Variants in AP3B1 observed in about 807,000 individuals in gnomAD.
AP3B1 encodes adaptor related protein complex 3 subunit beta 1, also known as AP-3 complex subunit beta-1.
In AP3B1, 61 loss-of-function variants were observed where a neutral mutation model predicts 132.5. That is an observed-to-expected ratio of 0.46 (90% CI 0.37 to 0.57). AP3B1 has a LOEUF of 0.57. Ranked by LOEUF, AP3B1 falls within the 20% of genes least tolerant of loss-of-function variation. AP3B1 has a pLI of 0.00. For synonymous variants in AP3B1, 388 were observed against 438.3 expected, an observed-to-expected ratio of 0.89 and a Z score of 1.43; for missense variants, 1,120 against 1,289.4, an observed-to-expected ratio of 0.87 and a Z score of 2.01.
At chr5:78,121,638 A>G (rs1752202709) in intron 17 of AP3B1, 1 of 152,242 alleles carries the variant, frequency 6.6e-6, no homozygotes, top group Non-Finnish European at 1.5e-5. Context: ...TCCCAAGACT[A>G]AACCAGGAAG....
chr5:78,023,927 G>C (rs1483530816), intron 24 of AP3B1, among the ~76,000 whole-genome samples: 1 of 152,176 alleles, frequency 6.6e-6, no homozygotes, highest in African/African-American at 2.4e-5. Context: ...CATGCTTAGA[G>C]GCTGAGGGGA....
intron 2 of AP3B1, among the ~76,000 whole-genome samples, chr5:78,242,071 T>C (rs1429746789): frequency 1.3e-5 from 2 of 152,246 alleles, no homozygotes. Flanking sequence ...GACAGTTTAA[T>C]ATGCTTAAAA....
At chr5:78,027,149 T>C (rs1024575289) in intron 24 of AP3B1, among the ~76,000 whole-genome samples, 1 of 152,054 alleles carries the variant, frequency 6.6e-6, no homozygotes, top group Non-Finnish European at 1.5e-5. Context: ...CTGAGTACTG[T>C]GTCTTGCTTA....
chr5:78,196,876 G>A (rs1745095849), intron 7 of AP3B1, among the ~76,000 whole-genome samples: 1 of 152,118 alleles, frequency 6.6e-6, no homozygotes, highest in South Asian at 2.1e-4. Flanking sequence ...GGGAGGGAGG[G>A]ATGAACAAGT....
At chr5:78,201,171 C>T (rs1034990419) in intron 7 of AP3B1, among the ~76,000 whole-genome samples, 2 of 152,138 alleles carry the variant, frequency 1.3e-5, no homozygotes, top group African/African-American at 4.8e-5. Context: ...GTTTAAGCCA[C>T]CCAATCTGTG....
intron 6 of AP3B1, among the ~76,000 whole-genome samples, chr5:78,216,991 A>G (rs1745990565): frequency 1.3e-5 from 2 of 152,130 alleles, no homozygotes; most frequent in Admixed American, 1.3e-4. Flanking sequence ...ACACAAACTA[A>G]GCAGAATATA....
In AP3B1 at chr5:78,178,084, G is replaced by A. The variant is rs144010010; in HGVS notation, c.943-648C>T. ...GTACGTGGCAAAGCTCAAGACACTC[G>A]AAATTCCATGCTCCTCAGCTGCTGC... On this transcript the variant is annotated intron_variant, in intron 8 of 26. Coordinates refer to ENST00000255194, the MANE Select transcript of AP3B1 (RefSeq NM_003664.5). Among the ~76,000 whole-genome samples the A allele has an allele frequency of 3.1e-3, 475 of 152,244 alleles. 2 individuals are homozygous for A. Among genetic ancestry groups the A allele is most frequent in the African/African-American group, 0.011 (449 of 41,534 alleles).
chr5:78,157,736 C>G (rs1743209787), intron 13 of AP3B1, among the ~76,000 whole-genome samples: 1 of 151,428 alleles, frequency 6.6e-6, no homozygotes, highest in Admixed American at 6.6e-5. Context: ...ATTAGAAATA[C>G]CATAATTTGT....
intron 15 of AP3B1, among the ~76,000 whole-genome samples, chr5:78,135,538 C>A (rs1389076529): frequency 1.5e-5 from 2 of 137,752 alleles, no homozygotes; most frequent in Non-Finnish European, 3.1e-5. Context: ...ATACATCTTA[C>A]ATTAAATAAA....
chr5:78,280,664 A>C (rs1749010967), intron 1 of AP3B1, among the ~76,000 whole-genome samples: 1 of 150,240 alleles, frequency 6.7e-6, no homozygotes, highest in Non-Finnish European at 1.5e-5. Context: ...AGCTAGATTA[A>C]TTTTTAAATT....
chr5:78,114,638 A>G (rs1345081185), intron 18 of AP3B1, among the ~76,000 whole-genome samples: 1 of 152,244 alleles, frequency 6.6e-6, no homozygotes, highest in African/African-American at 2.4e-5. Context: ...TAAAATGACT[A>G]TAACTACAGA....
intron 21 of AP3B1, among the ~76,000 whole-genome samples, chr5:78,093,839 A>G (rs1342540769): frequency 6.6e-6 from 1 of 152,176 alleles, no homozygotes; most frequent in African/African-American, 2.4e-5. Flanking sequence ...TACCATCCCA[A>G]TTTTATAGAC....
At position 78,193,732 on chromosome 5, in the gene AP3B1, G is replaced by GTGTATA. The variant is rs1340871803; in HGVS notation, c.787-12071_787-12070insTATACA. ...TATATTTACATATTTTTAAATATTT[G>GTGTATA]TATATATTTTTTTATATATATATAT... On this transcript the variant is annotated intron_variant, in intron 7 of 26. Transcript: ENST00000255194. Among the ~76,000 whole-genome samples the GTGTATA allele has an allele frequency of 1.3e-4, 12 of 89,236 alleles. 1 individual carries two copies. Among genetic ancestry groups the GTGTATA allele is most frequent in the Admixed American group, 5.2e-4 (3 of 5,736 alleles). 58.5% of individuals were successfully genotyped at this position (89,236 alleles called of 152,430 possible).
intron 6 of AP3B1, 50 bp from the exon 7 acceptor site, chr5:78,216,287 T>A (rs1181701647): frequency 3.9e-6 from 6 of 1,535,508 alleles, no homozygotes; most frequent in Non-Finnish European, 5.3e-6. Flanking sequence ...CTCCCCTACA[T>A]CAAAGGTCTT....
intron 2 of AP3B1, among the ~76,000 whole-genome samples, chr5:78,267,232 T>C (rs1748359783): frequency 6.6e-6 from 1 of 152,046 alleles, no homozygotes; most frequent in South Asian, 2.1e-4. Context: ...TCTTATTTTG[T>C]CTTCAAAATG....
chr5:78,183,230 G>A (rs1466190157), intron 7 of AP3B1, among the ~76,000 whole-genome samples: 3 of 152,112 alleles, frequency 2.0e-5, no homozygotes, highest in Non-Finnish European at 2.9e-5. Context: ...CAGGGAATCC[G>A]GACTCCTGCT....
chr5:78,212,976 C>A (rs1265200594), intron 7 of AP3B1, among the ~76,000 whole-genome samples: 1 of 152,086 alleles, frequency 6.6e-6, no homozygotes, highest in African/African-American at 2.4e-5. Context: ...CTCCTGGGTT[C>A]ATGCCATTCT....
At chr5:78,024,582 T>TTTTGG (rs1747252748) in intron 24 of AP3B1, among the ~76,000 whole-genome samples, 1 of 142,942 alleles carries the variant, frequency 7.0e-6, no homozygotes, top group Non-Finnish European at 1.5e-5. Context: ...TTTTTTTTTT[T>TTTTGG]GAGACAGAGT....
At chr5:78,163,094 GTAGATTAA>G (rs1227590393) in intron 12 of AP3B1, 143 bp from the exon 13 acceptor site, 9 of 780,904 alleles carry the variant, frequency 1.2e-5, no homozygotes, top group Non-Finnish European at 1.7e-5. Context: ...AAGTGATGAT[GTAGATTAA>G]TTTCATTTTG....
Sources: allele counts gnomAD v4.1 joint callset (sites outside exome capture counted in the v4.1 genomes callset), GRCh38; gene constraint gnomAD v4.1.1; transcripts MANE v1.5; gene names NCBI Gene and HGNC (gene_info 2026-07-23, HGNC 2026-07-21).